TAF1B: variants seen among roughly 807,000 people sequenced by gnomAD.
TAF1B encodes TATA box-binding protein-associated factor RNA polymerase I subunit B.
In TAF1B, 61 loss-of-function variants were observed where a neutral mutation model predicts 83.9. That is an observed-to-expected ratio of 0.73 (90% CI 0.59 to 0.90). The LOEUF (loss-of-function observed/expected upper bound fraction) is 0.90, where lower values mean the gene tolerates loss of function less well. TAF1B is among the 40% of genes least tolerant of loss of function. TAF1B has a pLI of 0.00. For synonymous variants in TAF1B, 221 were observed against 224.6 expected, an observed-to-expected ratio of 0.98 and a Z score of 0.14; for missense variants, 625 against 677.0, an observed-to-expected ratio of 0.92 and a Z score of 0.85.
intron 8 of TAF1B, among the ~76,000 whole-genome samples, chr2:9,902,722 A>T (rs1665217588): frequency 6.6e-6 from 1 of 152,176 alleles, no homozygotes; most frequent in Admixed American, 6.5e-5. Flanking sequence ...CATGTCTTTT[A>T]TGGGCATGCA....
At chr2:9,896,154 C>T (rs1048608981) in intron 8 of TAF1B, among the ~76,000 whole-genome samples, 4 of 152,030 alleles carry the variant, frequency 2.6e-5, no homozygotes, top group African/African-American at 7.2e-5. Context: ...ATTTATTATT[C>T]CTTTTAGACA....
At chr2:9,926,672 C>A (rs1227208298) in intron 14 of TAF1B, among the ~76,000 whole-genome samples, 1 of 151,932 alleles carries the variant, frequency 6.6e-6, no homozygotes, top group Non-Finnish European at 1.5e-5. Flanking sequence ...AACCCCATCT[C>A]TACTAAAAAT....
intron 14 of TAF1B, among the ~76,000 whole-genome samples, chr2:9,929,349 G>A (rs1349424580): frequency 5.3e-5 from 8 of 152,196 alleles, no homozygotes; most frequent in East Asian, 1.9e-4. Flanking sequence ...TAGTAAAGAC[G>A]GGGTTTCACC....
At chr2:9,905,888 A>T (rs887871894) in intron 9 of TAF1B, among the ~76,000 whole-genome samples, 1 of 152,230 alleles carries the variant, frequency 6.6e-6, no homozygotes, top group African/African-American at 2.4e-5. Flanking sequence ...AGGAACAAAA[A>T]TAATTTAAAT....
In TAF1B at chr2:9,891,457, T is replaced by A. The variant is rs147454728; in HGVS notation, c.807+8652T>A. Reference sequence around the variant, plus strand: ...TACATGTACCTATTTCTGGGATACATGTGATAATTTAATACATTTATATAA... The same window carrying A: ...TACATGTACCTATTTCTGGGATACAAGTGATAATTTAATACATTTATATAA... On this transcript the variant is annotated intron_variant, in intron 8 of 14. Transcript: ENST00000263663. Among the ~76,000 whole-genome samples the A allele has an allele frequency of 5.8e-3, 884 of 152,354 alleles. 15 individuals are homozygous for A. Among genetic ancestry groups the A allele is most frequent in the Middle Eastern group, 0.017 (5 of 294 alleles).
chr2:9,893,752 C>T (rs1335103174), intron 8 of TAF1B, among the ~76,000 whole-genome samples: 2 of 152,110 alleles, frequency 1.3e-5, no homozygotes. Context: ...TGGTATAATA[C>T]TGTCTTTTTA....
intron 5 of TAF1B, among the ~76,000 whole-genome samples, chr2:9,865,316 A>C (rs1663934268): frequency 6.6e-6 from 1 of 152,218 alleles, no homozygotes; most frequent in Non-Finnish European, 1.5e-5. Flanking sequence ...AGAGAGCCAA[A>C]TCATGAGTGA....
intron 14 of TAF1B, among the ~76,000 whole-genome samples, chr2:9,922,470 G>A (rs981342350): frequency 2.6e-5 from 4 of 151,894 alleles, no homozygotes; most frequent in African/African-American, 9.7e-5. Context: ...ATCCACATGG[G>A]CTCACTTCTT....
intron 8 of TAF1B, among the ~76,000 whole-genome samples, chr2:9,889,588 G>GCCT (rs1664801012): frequency 2.6e-5 from 4 of 152,006 alleles, no homozygotes; most frequent in Non-Finnish European, 5.9e-5. Context: ...CTGTTTTATT[G>GCCT]ATTGGTTATG....
rs376441869 is a variant in TAF1B at position 9,854,328 on chromosome 2, C to T, written c.306C>T (p.Asn102=). The T allele has an allele frequency of 2.9e-5, 46 of 1,613,184 alleles. No homozygotes were observed. Among genetic ancestry groups the T allele is most frequent in the Middle Eastern group, 1.6e-4 (1 of 6,076 alleles). ...CACTCATTTCCCTTCCACCTTAGAA[C>T]GATGTTTTACATAATTTTTGGAAGC... is the stretch of plus-strand genomic sequence containing the variant. ...KNLGVGPELK[N]DVLHNFWKRY... The change falls in exon 5 of 15, where the codon AAC becomes AAT. Residue 102 remains asparagine, a splice_region_variant and synonymous_variant. Coordinates refer to ENST00000263663, the MANE Select transcript of TAF1B (RefSeq NM_005680.3).
chr2:9,892,492 C>T (rs1664900962), intron 8 of TAF1B, among the ~76,000 whole-genome samples: 1 of 152,198 alleles, frequency 6.6e-6, no homozygotes, highest in Non-Finnish European at 1.5e-5. Context: ...CCCTCCTCAG[C>T]TTCACCCAGC....
chr2:9,888,763 C>T (rs1459336718), intron 8 of TAF1B, among the ~76,000 whole-genome samples: 1 of 116,822 alleles, frequency 8.6e-6, no homozygotes, highest in Non-Finnish European at 1.8e-5. Flanking sequence ...TGCCTTGTCA[C>T]AGTTTTCTTT....
chr2:9,917,020 A>G (rs956810184), intron 12 of TAF1B, among the ~76,000 whole-genome samples: 2 of 151,394 alleles, frequency 1.3e-5, no homozygotes, highest in African/African-American at 2.4e-5. Flanking sequence ...CTAATTTTGT[A>G]TTTACTAAAG....
chr2:9,904,171 T>C (rs1665273991), intron 8 of TAF1B, among the ~76,000 whole-genome samples: 1 of 152,150 alleles, frequency 6.6e-6, no homozygotes, highest in South Asian at 2.1e-4. Flanking sequence ...GTTTGTTACA[T>C]GGGTAAATTG....
intron 14 of TAF1B, among the ~76,000 whole-genome samples, chr2:9,921,075 G>A (rs748323803): frequency 1.4e-4 from 22 of 152,074 alleles, no homozygotes; most frequent in East Asian, 5.8e-4. Flanking sequence ...ATAAACGGTC[G>A]ATATTGGAAT....
intron 6 of TAF1B, among the ~76,000 whole-genome samples, chr2:9,872,192 G>C (rs1373233218): frequency 1.3e-5 from 2 of 152,154 alleles, no homozygotes; most frequent in Non-Finnish European, 2.9e-5. Context: ...TGGGTGTGGT[G>C]GCGCACGCCT....
intron 8 of TAF1B, 51 bp downstream of exon 8, chr2:9,882,856 G>T: frequency 7.7e-7 from 1 of 1,298,736 alleles, no homozygotes; most frequent in South Asian, 1.5e-5. Flanking sequence ...CACAAGAGTG[G>T]TATGATAATT....
chr2:9,850,730 A>G (rs1663358449), intron 3 of TAF1B, among the ~76,000 whole-genome samples: 1 of 152,236 alleles, frequency 6.6e-6, no homozygotes, highest in East Asian at 1.9e-4. Context: ...GGGGCAAAAC[A>G]TAAGGGTCTT....
intron 5 of TAF1B, 27 bp downstream of exon 5, chr2:9,854,448 T>C (rs1663494259): frequency 6.5e-7 from 1 of 1,539,040 alleles, no homozygotes; most frequent in African/African-American, 1.4e-5. Context: ...AAAAGTTGGA[T>C]TAAAAAACAT....
Sources: gnomAD v4.1 joint callset for allele counts (sites outside exome capture counted in the v4.1 genomes callset) on GRCh38, gnomAD v4.1.1 for gene constraint, MANE v1.5 for transcripts, NCBI Gene and HGNC (gene_info 2026-07-23, HGNC 2026-07-21) for gene names.